SLC9A1: variants seen among roughly 807,000 people sequenced by gnomAD.
SLC9A1 encodes solute carrier family 9 member A1, also known as sodium/hydrogen exchanger 1.
SLC9A1 carries 22 observed loss-of-function variants against 67.9 expected under a neutral mutation model. The observed-to-expected ratio is 0.32, with a 90% CI of 0.23 to 0.46. SLC9A1 has a LOEUF of 0.46. SLC9A1 is among the 20% of genes least tolerant of loss of function. SLC9A1 has a pLI of 1.00. For missense variants in SLC9A1, 686 were observed against 1,094.8 expected, an observed-to-expected ratio of 0.63 and a Z score of 5.27; for synonymous variants, 421 against 471.8, an observed-to-expected ratio of 0.89 and a Z score of 1.40.
chr1:27,103,347 T>C (rs1382232991), intron 5 of SLC9A1, 35 bp from the exon 6 acceptor site: 1 of 1,493,364 alleles, frequency 6.7e-7, no homozygotes, highest in Admixed American at 1.7e-5. Flanking sequence ...ACTCCAGTTC[T>C]GCTACCCAGG....
intron 1 of SLC9A1, among the ~76,000 whole-genome samples, chr1:27,119,378 G>T (rs1304428966): frequency 6.6e-6 from 1 of 152,148 alleles, no homozygotes; most frequent in Non-Finnish European, 1.5e-5. Context: ...GGACCCAGGG[G>T]CACACTGAGG....
chr1:27,141,563 C>T (rs2124203171), intron 1 of SLC9A1, among the ~76,000 whole-genome samples: 1 of 152,352 alleles, frequency 6.6e-6, no homozygotes, highest in South Asian at 2.1e-4. Context: ...CGTAGAATTC[C>T]ATCTGCACTT....
chr1:27,121,191 C>G (rs2083302397), intron 1 of SLC9A1, among the ~76,000 whole-genome samples: 1 of 152,154 alleles, frequency 6.6e-6, no homozygotes, highest in Non-Finnish European at 1.5e-5. Flanking sequence ...TTGTTTCAAT[C>G]CACATTTCAG....
intron 1 of SLC9A1, among the ~76,000 whole-genome samples, chr1:27,135,585 C>T (rs371609343): frequency 2.8e-5 from 4 of 143,972 alleles, no homozygotes; most frequent in East Asian, 4.0e-4. Context: ...CTCTCTGAGT[C>T]AAAATTCAGT....
chr1:27,100,019 C>T lies in SLC9A1; in HGVS notation c.*288G>A. ...GGCAGAGGGAGGAGCCTCCGAGGCC[C>T]TAGTCCAGGTCCGGGAGAAGCCTGG... On this transcript the variant is annotated 3_prime_UTR_variant, in exon 12 of 12. Transcript: ENST00000263980. This position sits in a 1 kb window ranked among gnomAD's most constrained non-coding sequence, Gnocchi z 5.6. 2.6e-6 allele frequency: 1 copy of T among 391,928 alleles called. No homozygotes were observed. Among genetic ancestry groups the T allele is most frequent in the Non-Finnish European group, 4.5e-6 (1 of 220,056 alleles). The allele number at this position is 391,928 out of a possible 1,614,324, so 24.3% of individuals were successfully genotyped here.
chr1:27,112,237 C>T (rs551360491), intron 2 of SLC9A1, among the ~76,000 whole-genome samples: 3 of 152,296 alleles, frequency 2.0e-5, no homozygotes, highest in East Asian at 3.9e-4. Context: ...GCTATTCTAC[C>T]CAGCCCCATG....
Position 27,100,714 on chromosome 1 carries a change from G to C in SLC9A1, c.2111-70C>G. Reference sequence around the variant, plus strand: ...CCGGCCCAGCACGTGCCACTCGGCCGCGTCAGTGCCTCCTTCAGGCCTTCT... The same window carrying C: ...CCGGCCCAGCACGTGCCACTCGGCCCCGTCAGTGCCTCCTTCAGGCCTTCT... On this transcript the variant is annotated intron_variant, in intron 11 of 11. Coordinates refer to ENST00000263980, the MANE Select transcript of SLC9A1 (RefSeq NM_003047.5). This position sits in a 1 kb window ranked among gnomAD's most constrained non-coding sequence, Gnocchi z 5.6. 7.8e-7 allele frequency: 1 copy of C among 1,290,004 alleles called. No homozygotes were observed. The highest frequency in any genetic ancestry group is 2.1e-4 in the Middle Eastern group (1 of 4,760). 79.9% of individuals were successfully genotyped at this position (1,290,004 alleles called of 1,614,324 possible).
chr1:27,150,392 G>A (rs896603861), intron 1 of SLC9A1, among the ~76,000 whole-genome samples: 6 of 152,170 alleles, frequency 3.9e-5, no homozygotes, highest in Admixed American at 1.3e-4. Context: ...AGGCATTCTG[G>A]GTCAGGAACA....
At chr1:27,131,723 G>GAAAAAAAAAAAA in intron 1 of SLC9A1, among the ~76,000 whole-genome samples, 1 of 140,706 alleles carries the variant, frequency 7.1e-6, no homozygotes. Context: ...CTCCAGCCTG[G>GAAAAAAAAAAAA]CAACAGAATG....
At chr1:27,125,998 C>T (rs1347013569) in intron 1 of SLC9A1, among the ~76,000 whole-genome samples, 1 of 152,158 alleles carries the variant, frequency 6.6e-6, no homozygotes, top group African/African-American at 2.4e-5. Flanking sequence ...TCCCCTAGCT[C>T]TACTGGCCTC....
chr1:27,143,484 C>T (rs1486806284), intron 1 of SLC9A1, among the ~76,000 whole-genome samples: 3 of 152,178 alleles, frequency 2.0e-5, no homozygotes, highest in African/African-American at 4.8e-5. Flanking sequence ...TAGAGATGAC[C>T]GTGATCTGTA....
Position 27,154,658 on chromosome 1 carries a change from G to C in SLC9A1, c.-324C>G. On this transcript the variant is annotated 5_prime_UTR_variant, in exon 1 of 12. Transcript: ENST00000263980. ...TAGGGATAGAGGAAGGGGCAGGATA[G>C]GGATAGTGCAAAGGAAAGGAAGAAG... The C allele has an allele frequency of 3.7e-6, 1 of 271,542 alleles. No individual in the cohort carries two copies. The allele number at this position is 271,542 out of a possible 1,614,324, so 16.8% of individuals were successfully genotyped here.
chr1:27,135,141 T>C (rs2083411391), intron 1 of SLC9A1, among the ~76,000 whole-genome samples: 1 of 149,896 alleles, frequency 6.7e-6, no homozygotes, highest in South Asian at 2.1e-4. Context: ...CCTCGACCTC[T>C]TGAGCTCAAG....
intron 1 of SLC9A1, among the ~76,000 whole-genome samples, chr1:27,116,040 CA>C (rs1487337514): frequency 6.6e-6 from 1 of 152,082 alleles, no homozygotes; most frequent in Non-Finnish European, 1.5e-5. Context: ...GGAATCTGGG[CA>C]GTGCTAGTAC....
At chr1:27,123,230 A>T (rs1461790266) in intron 1 of SLC9A1, among the ~76,000 whole-genome samples, 1 of 152,196 alleles carries the variant, frequency 6.6e-6, no homozygotes, top group African/African-American at 2.4e-5. Context: ...GTTTAAGTAT[A>T]AGGAAAATCA....
At chr1:27,120,810 T>C (rs2083300350) in intron 1 of SLC9A1, among the ~76,000 whole-genome samples, 1 of 152,144 alleles carries the variant, frequency 6.6e-6, no homozygotes, top group Admixed American at 6.5e-5. Flanking sequence ...TGCAAGGCTC[T>C]GTGCAGGGGG....
chr1:27,112,720 C>G (rs1403082628), intron 2 of SLC9A1, among the ~76,000 whole-genome samples: 1 of 151,916 alleles, frequency 6.6e-6, no homozygotes, highest in African/African-American at 2.4e-5. Context: ...CCAGTCTCTA[C>G]TAAAAACACA....
At chr1:27,136,158 C>T (rs1014983330) in intron 1 of SLC9A1, among the ~76,000 whole-genome samples, 1 of 152,224 alleles carries the variant, frequency 6.6e-6, no homozygotes, top group Non-Finnish European at 1.5e-5. Context: ...ACCCCCTTAT[C>T]CTCAGCGCTA....
In SLC9A1 at chr1:27,154,614, G is replaced by T. The variant is rs998634405; in HGVS notation, c.-280C>A. 5 of 389,872 alleles carry T rather than the reference G, an allele frequency of 1.3e-5. No homozygotes were observed. Among genetic ancestry groups the T allele is most frequent in the Admixed American group, 4.5e-5 (1 of 22,458 alleles). The allele number at this position is 389,872 out of a possible 1,614,324, so 24.2% of individuals were successfully genotyped here. A position where few individuals can be genotyped will look rare whatever the true frequency, so the allele number is the denominator to read the frequency against. On this transcript the variant is annotated 5_prime_UTR_variant, in exon 1 of 12. Coordinates refer to ENST00000263980, the MANE Select transcript of SLC9A1 (RefSeq NM_003047.5). Reference sequence around the variant, plus strand: ...TCCGGGCCTGGGAAGGGGGAGGACGGATGTGGGAAACTGAGCCCTAGGGAT... The same window carrying T: ...TCCGGGCCTGGGAAGGGGGAGGACGTATGTGGGAAACTGAGCCCTAGGGAT...
Sources: gnomAD v4.1 joint callset for allele counts (sites outside exome capture counted in the v4.1 genomes callset) on GRCh38, gnomAD v4.1.1 for gene constraint, Gnocchi (gnomAD v3.1) non-coding constraint, MANE v1.5 for transcripts, NCBI Gene and HGNC (gene_info 2026-07-23, HGNC 2026-07-21) for gene names.